CDYL2: variants seen among roughly 807,000 people sequenced by gnomAD.
The protein encoded by CDYL2 is chromodomain Y-like protein 2.
A neutral mutation model predicts 49.4 loss-of-function variants in CDYL2; 23 were observed. That is an observed-to-expected ratio of 0.47 (90% confidence interval 0.34 to 0.66). CDYL2 has a LOEUF of 0.66. Among genes scored for constraint, CDYL2 ranks in the 30% least tolerant of loss-of-function variants. The pLI is 0.01. For missense variants in CDYL2, 678 were observed against 656.4 expected (o/e 1.03, Z -0.36); for synonymous variants, 360 against 268.8 (o/e 1.34, Z -3.32).
At chr16:80,607,852 C>A (rs1032226753) in intron 6 of CDYL2, among the ~76,000 whole-genome samples, 1 of 152,198 alleles carries the variant, frequency 6.6e-6, no homozygotes, top group Admixed American at 6.5e-5. Context: ...CCTAGAGTAT[C>A]CATCTCTCCT....
rs1906150824 is a variant in CDYL2 at position 80,602,811 on chromosome 16, A to G, written c.*1577T>C. 6.6e-6 allele frequency: 1 copy of G among 152,222 alleles called. No homozygotes were observed. Among genetic ancestry groups the G allele is most frequent in the African/African-American group, 2.4e-5 (1 of 41,460 alleles). 9.4% of individuals were successfully genotyped at this position (152,222 alleles called of 1,614,324 possible). On this transcript the variant is annotated 3_prime_UTR_variant, in exon 7 of 7. Transcript: ENST00000570137. Reference sequence around the variant, plus strand: ...AACGGAAAAAAATCCCTCCATCCTGAGAATCTGAGAATCTAGCTTTTTCTG... The same window carrying G: ...AACGGAAAAAAATCCCTCCATCCTGGGAATCTGAGAATCTAGCTTTTTCTG...
In CDYL2 at chr16:80,796,506, G is replaced by A. The variant is rs116616972; in HGVS notation, c.24+7644C>T. Reference sequence around the variant, plus strand: ...CAAATTCTTAATGAACAAAATTTTTGTATGACTCCATTACGTATGTTCTAC... The same window carrying A: ...CAAATTCTTAATGAACAAAATTTTTATATGACTCCATTACGTATGTTCTAC... On this transcript the variant is annotated intron_variant, in intron 1 of 6. Coordinates refer to ENST00000570137, the MANE Select transcript of CDYL2 (RefSeq NM_152342.4). Among the ~76,000 whole-genome samples the A allele has an allele frequency of 7.7e-3, 1,166 of 152,220 alleles. 17 individuals are homozygous for A. The highest frequency in any genetic ancestry group is 0.026 in the African/African-American group (1,093 of 41,536).
chr16:80,756,577 T>A (rs2142377797), intron 1 of CDYL2, among the ~76,000 whole-genome samples: 1 of 152,190 alleles, frequency 6.6e-6, no homozygotes, highest in East Asian at 1.9e-4. Flanking sequence ...TTGAAAAGGC[T>A]GTTAAGAATG....
chr16:80,619,719 A>G (rs933830608), intron 4 of CDYL2, among the ~76,000 whole-genome samples: 5 of 152,182 alleles, frequency 3.3e-5, no homozygotes, highest in Admixed American at 3.3e-4. Context: ...CAGGCTCGTC[A>G]TGTCTCTTCT....
intron 1 of CDYL2, among the ~76,000 whole-genome samples, chr16:80,707,673 A>T (rs1204891190): frequency 6.6e-6 from 1 of 152,150 alleles, no homozygotes; most frequent in African/African-American, 2.4e-5. Flanking sequence ...TTCAGATCCA[A>T]TGCTTAAGTC....
intron 1 of CDYL2, among the ~76,000 whole-genome samples, chr16:80,792,270 G>A (rs2142416395): frequency 6.6e-6 from 1 of 152,170 alleles, no homozygotes; most frequent in Non-Finnish European, 1.5e-5. Context: ...TGAAAGAACA[G>A]AAGAACCCTG....
chr16:80,612,478 G>T lies in CDYL2; in HGVS notation c.1218+148C>A, dbSNP rs985865782. On this transcript the variant is annotated intron_variant, in intron 5 of 6. Coordinates refer to ENST00000570137, the MANE Select transcript of CDYL2 (RefSeq NM_152342.4). The surrounding 1 kb of genome is among the most constrained non-coding windows in gnomAD (Gnocchi z 5.0). ...TTCTCAGGCCGGGCTACTCCATCTG[G>T]CACTGAAGGTGTGAAGGACATGAGG... is the stretch of plus-strand genomic sequence containing the variant. 1.4e-5 allele frequency: 10 copies of T among 696,380 alleles called. No individual in the cohort carries two copies. In the Admixed American group the frequency reaches 2.9e-4, roughly 20 times the overall value. The allele number at this position is 696,380 out of a possible 1,614,324, so 43.1% of individuals were successfully genotyped here. A position where few individuals can be genotyped will look rare whatever the true frequency, so the allele number is the denominator to read the frequency against.
chr16:80,716,412 GGATA>G (rs1331840876), intron 1 of CDYL2, among the ~76,000 whole-genome samples: 1 of 152,308 alleles, frequency 6.6e-6, no homozygotes, highest in East Asian at 1.9e-4. Context: ...GTGGGTGGAT[GGATA>G]GATGGGTGGA....
intron 2 of CDYL2, among the ~76,000 whole-genome samples, chr16:80,656,689 T>C (rs75187229): frequency 0.026 from 3,951 of 152,040 alleles, 137 homozygotes; most frequent in African/African-American, 0.071. Flanking sequence ...GTTCCAAACA[T>C]ACAGAAGCGA....
At chr16:80,735,773 C>A (rs1452745825) in intron 1 of CDYL2, among the ~76,000 whole-genome samples, 1 of 152,350 alleles carries the variant, frequency 6.6e-6, no homozygotes, top group East Asian at 1.9e-4. Context: ...TTTCAGACCA[C>A]CCCTTCCATT....
intron 1 of CDYL2, among the ~76,000 whole-genome samples, chr16:80,784,791 G>T (rs1471700841): frequency 6.6e-6 from 1 of 152,160 alleles, no homozygotes; most frequent in Non-Finnish European, 1.5e-5. Context: ...ACAATGATCA[G>T]TGCTGGAGAG....
chr16:80,609,303 C>T (rs929869863), intron 5 of CDYL2, among the ~76,000 whole-genome samples: 2 of 152,140 alleles, frequency 1.3e-5, no homozygotes, highest in African/African-American at 4.8e-5. Context: ...CAACGCCTTC[C>T]CCACCTGCTC....
chr16:80,638,648 G>C (rs764109587), intron 2 of CDYL2, among the ~76,000 whole-genome samples: 1 of 152,114 alleles, frequency 6.6e-6, no homozygotes, highest in Non-Finnish European at 1.5e-5. Flanking sequence ...GTATATGATA[G>C]ACGACCCAGA....
chr16:80,727,543 G>C (rs1279196078), intron 1 of CDYL2, among the ~76,000 whole-genome samples: 1 of 152,232 alleles, frequency 6.6e-6, no homozygotes, highest in Non-Finnish European at 1.5e-5. Flanking sequence ...CATTGCCCAG[G>C]CTTGCTTAGG....
intron 2 of CDYL2, among the ~76,000 whole-genome samples, chr16:80,668,816 T>A (rs1024713860): frequency 3.3e-5 from 5 of 151,992 alleles, no homozygotes; most frequent in Admixed American, 2.6e-4. Flanking sequence ...GGACAACCAC[T>A]TGAACCCATG....
chr16:80,772,070 G>C (rs915300385), intron 1 of CDYL2, among the ~76,000 whole-genome samples: 6 of 152,110 alleles, frequency 3.9e-5, no homozygotes, highest in Admixed American at 6.5e-5. Context: ...ATGGCAGCCA[G>C]AAGACAATGG....
At chr16:80,693,696 G>A (rs1369482244) in intron 1 of CDYL2, among the ~76,000 whole-genome samples, 3 of 152,066 alleles carry the variant, frequency 2.0e-5, no homozygotes, top group Admixed American at 6.5e-5. Flanking sequence ...ATTACCAATC[G>A]GCTACACAAG....
In CDYL2 at chr16:80,735,612, C is replaced by T. The variant is rs187194037; in HGVS notation, c.25-50483G>A. ...GGAATTCTCAGAGGCAGCCCAGACC[C>T]CCAGGGAATGGCCCCCAGGCTCCAA... is the stretch of plus-strand genomic sequence containing the variant. On this transcript the variant is annotated intron_variant, in intron 1 of 6. Transcript: ENST00000570137. Among the ~76,000 whole-genome samples, 124 of 152,234 alleles carry T rather than the reference C, an allele frequency of 8.1e-4. 1 individual carries two copies. Among genetic ancestry groups the T allele is most frequent in the African/African-American group, 2.9e-3 (120 of 41,532 alleles).
At chr16:80,786,905 C>A (rs1260285368) in intron 1 of CDYL2, among the ~76,000 whole-genome samples, 1 of 151,744 alleles carries the variant, frequency 6.6e-6, no homozygotes, top group African/African-American at 2.4e-5. Context: ...GAACATCACA[C>A]ACCAGGGCCT....
Sources: gnomAD v4.1 joint callset for allele counts (sites outside exome capture counted in the v4.1 genomes callset) on GRCh38, gnomAD v4.1.1 for gene constraint, Gnocchi (gnomAD v3.1) non-coding constraint, MANE v1.5 for transcripts, NCBI Gene and HGNC (gene_info 2026-07-23, HGNC 2026-07-21) for gene names.